Variants in MFSD2A observed in about 807,000 individuals in gnomAD.
MFSD2A encodes the protein sodium-dependent lysophosphatidylcholine symporter 1.
Under a neutral mutation model 64.7 loss-of-function variants are expected in MFSD2A, and 27 were observed. The ratio of observed to expected loss-of-function variants is 0.42; its 90% confidence interval spans 0.31 to 0.58. MFSD2A has a LOEUF of 0.58. Among genes scored for constraint, MFSD2A ranks in the 20% least tolerant of loss-of-function variants. MFSD2A has a pLI of 0.18. For missense variants in MFSD2A, 474 were observed against 679.5 expected (o/e 0.70, Z 3.36); for synonymous variants, 258 against 273.4 (o/e 0.94, Z 0.55).
rs1645222418 is a variant in MFSD2A at position 39,968,859 on chromosome 1, A to G, written c.1529+114A>G. ...CACCCCCCACACATCTTCTCTGGAC[A>G]GCTGTAACACTTAAGTACGCACCAG... On this transcript the variant is annotated intron_variant, in intron 13 of 13. Transcript: ENST00000372811. The surrounding 1 kb of genome is among the most constrained non-coding windows in gnomAD (Gnocchi z 4.4). The G allele has an allele frequency of 1.7e-6, 2 of 1,151,212 alleles. No individual in the cohort carries two copies. The highest frequency in any genetic ancestry group is 4.5e-5 in the Admixed American group (2 of 44,876). The allele number at this position is 1,151,212 out of a possible 1,614,324, so 71.3% of individuals were successfully genotyped here. A position where few individuals can be genotyped will look rare whatever the true frequency, so the allele number is the denominator to read the frequency against.
Position 39,965,646 on chromosome 1 carries a change from G to A in MFSD2A, c.556+97G>A, listed in dbSNP as rs760498301. 7.3e-6 allele frequency: 10 copies of A among 1,365,368 alleles called. No homozygotes were observed. The Admixed American group carries it at 1.4e-4, about 19-fold the overall frequency. The allele number at this position is 1,365,368 out of a possible 1,614,324, so 84.6% of individuals were successfully genotyped here. ...AGCTCTTTGCTCTGCTCTAGAGTGT[G>A]GGTGTGAAACCATCTTAAAAATAAC... On this transcript the variant is annotated intron_variant, in intron 5 of 13. Transcript: ENST00000372811. This position sits in a 1 kb window ranked among gnomAD's most constrained non-coding sequence, Gnocchi z 5.5.
In MFSD2A at chr1:39,964,948, G is replaced by A. The variant is rs74067886; in HGVS notation, c.354-263G>A. The A allele has an allele frequency of 2.9e-3, 1,520 of 521,138 alleles. 26 individuals are homozygous for A. The highest frequency in any genetic ancestry group is 0.027 in the African/African-American group (1,403 of 52,666). The allele number at this position is 521,138 out of a possible 1,614,324, so 32.3% of individuals were successfully genotyped here. On this transcript the variant is annotated intron_variant, in intron 3 of 13. Coordinates refer to ENST00000372811, the MANE Select transcript of MFSD2A (RefSeq NM_032793.5). This position sits in a 1 kb window ranked among gnomAD's most constrained non-coding sequence, Gnocchi z 4.1. The stretch of plus-strand genomic sequence containing the variant: ...AACTCTCAGCCCATTAGAGGCTGCT[G>A]CCTCTGGACTAGACTCAGGCTCTGA...
At position 39,955,951 on chromosome 1, in the gene MFSD2A, C is replaced by T. The variant is rs1644919402; in HGVS notation, c.93+566C>T. ...TCGACCACATCCCCAGCCCTGGGGA[C>T]TTATTGAAGGACCAAATAAAATGAG... On this transcript the variant is annotated intron_variant, in intron 1 of 13. Transcript: ENST00000372811. The surrounding 1 kb of genome is among the most constrained non-coding windows in gnomAD (Gnocchi z 5.9). 2 of 173,308 alleles carry T rather than the reference C, an allele frequency of 1.2e-5. No individual in the cohort carries two copies. The highest frequency in any genetic ancestry group is 1.9e-4 in the South Asian group (2 of 10,604). 10.7% of individuals were successfully genotyped at this position (173,308 alleles called of 1,614,324 possible).
chr1:39,955,292 C>G lies in MFSD2A; in HGVS notation c.-1C>G. 1 of 1,421,838 alleles carries G rather than the reference C, an allele frequency of 7.0e-7. No homozygotes were observed. The highest frequency in any genetic ancestry group is 9.2e-7 in the Non-Finnish European group (1 of 1,085,580). The allele number at this position is 1,421,838 out of a possible 1,614,324, so 88.1% of individuals were successfully genotyped here. A position where few individuals can be genotyped will look rare whatever the true frequency, so the allele number is the denominator to read the frequency against. ...GTCCCAAGCGGCGTGGCCCGCGGGTCATGGCCAAAGGAGAAGGCGCCGAGA... is the reference window on the plus strand; with the variant it reads ...GTCCCAAGCGGCGTGGCCCGCGGGTGATGGCCAAAGGAGAAGGCGCCGAGA... On this transcript the variant is annotated 5_prime_UTR_variant, in exon 1 of 14. Coordinates refer to ENST00000372811, the MANE Select transcript of MFSD2A (RefSeq NM_032793.5). This position sits in a 1 kb window ranked among gnomAD's most constrained non-coding sequence, Gnocchi z 5.9.
chr1:39,960,498 G>A lies in MFSD2A; in HGVS notation c.353+1673G>A, dbSNP rs958282324. On this transcript the variant is annotated intron_variant, in intron 3 of 13. Coordinates refer to ENST00000372811, the MANE Select transcript of MFSD2A (RefSeq NM_032793.5). The surrounding 1 kb of genome is among the most constrained non-coding windows in gnomAD (Gnocchi z 4.8). ...TGTGCAGGCTGCTCAGGGCTCCCCC[G>A]GCGCCAGCCCGTGAGACTTGGCCCT... Among the ~76,000 whole-genome samples the A allele has an allele frequency of 6.0e-5, 9 of 151,232 alleles. No individual in the cohort carries two copies. Among genetic ancestry groups the A allele is most frequent in the Admixed American group, 4.6e-4 (7 of 15,190 alleles).
Position 39,957,216 on chromosome 1 carries a change from G to T in MFSD2A, c.223G>T (p.Ala75Ser). The stretch of plus-strand genomic sequence containing the variant: ...CCTTCAGATCTACCTATTGGATGTG[G>T]CTCAGGTGAGTGGTCTAAGCCTTCG... ...FFLQIYLLDVAQVGPFSASII... is the reference protein window; with the variant it reads ...FFLQIYLLDVSQVGPFSASII... The change falls in exon 2 of 14, where the codon GCT becomes TCT. Residue 75 changes from alanine to serine, a missense_variant. Coordinates refer to ENST00000372811, the MANE Select transcript of MFSD2A (RefSeq NM_032793.5). The T allele has an allele frequency of 6.3e-7, 1 of 1,592,284 alleles. No homozygotes were observed. Among genetic ancestry groups the T allele is most frequent in the Non-Finnish European group, 8.6e-7 (1 of 1,168,534 alleles).
Position 39,958,913 on chromosome 1 carries a change from C to A in MFSD2A, c.353+88C>A. On this transcript the variant is annotated intron_variant, in intron 3 of 13. Coordinates refer to ENST00000372811, the MANE Select transcript of MFSD2A (RefSeq NM_032793.5). This position sits in a 1 kb window ranked among gnomAD's most constrained non-coding sequence, Gnocchi z 4.7. ...GTCCTTCTCTCTGTCTTGTCACAGGCAGAAGGGTGAGGAGAAGGAAGGAGT... is the reference window on the plus strand; with the variant it reads ...GTCCTTCTCTCTGTCTTGTCACAGGAAGAAGGGTGAGGAGAAGGAAGGAGT... The A allele has an allele frequency of 1.4e-6, 2 of 1,441,322 alleles. No individual in the cohort carries two copies. Among genetic ancestry groups the A allele is most frequent in the Non-Finnish European group, 1.9e-6 (2 of 1,068,904 alleles). 89.3% of individuals were successfully genotyped at this position (1,441,322 alleles called of 1,614,324 possible).
Position 39,955,281 on chromosome 1 carries a change from G to A in MFSD2A, c.-12G>A. On this transcript the variant is annotated 5_prime_UTR_variant, in exon 1 of 14. Transcript: ENST00000372811. This position sits in a 1 kb window ranked among gnomAD's most constrained non-coding sequence, Gnocchi z 5.9. ...CCGTCTACCAGGTCCCAAGCGGCGT[G>A]GCCCGCGGGTCATGGCCAAAGGAGA... 3 of 1,409,828 alleles carry A rather than the reference G, an allele frequency of 2.1e-6. No individual in the cohort carries two copies. Among genetic ancestry groups the A allele is most frequent in the Non-Finnish European group, 2.8e-6 (3 of 1,079,986 alleles). The allele number at this position is 1,409,828 out of a possible 1,614,324, so 87.3% of individuals were successfully genotyped here.
Position 39,962,685 on chromosome 1 carries a change from A to T in MFSD2A, c.354-2526A>T, listed in dbSNP as rs74067882. The T allele has an allele frequency of 2.0e-3, 1,589 of 775,838 alleles. 22 individuals carry two copies. The African/African-American group carries it at 0.024, about 12-fold the overall frequency. The allele number at this position is 775,838 out of a possible 1,614,324, so 48.1% of individuals were successfully genotyped here. ...TGGCCGTGGACGGGGCCCGGGCCGAAGCTGCGGAGCTTGCTGAGGCAAGGC... is the reference window on the plus strand; with the variant it reads ...TGGCCGTGGACGGGGCCCGGGCCGATGCTGCGGAGCTTGCTGAGGCAAGGC... On this transcript the variant is annotated intron_variant, in intron 3 of 13. Coordinates refer to ENST00000372811, the MANE Select transcript of MFSD2A (RefSeq NM_032793.5).
intron 3 of MFSD2A, chr1:39,962,652 C>T (rs998477265): frequency 8.4e-5 from 70 of 831,920 alleles, no homozygotes; most frequent in Admixed American, 2.2e-4. Flanking sequence ...CATCCGGGGC[C>T]GGGGTCATGG....
rs1645244389 is a variant in MFSD2A at position 39,969,833 on chromosome 1, T to G, written c.*265T>G. 2.4e-6 allele frequency: 1 copy of G among 409,204 alleles called. No homozygotes were observed. The highest frequency in any genetic ancestry group is 3.7e-5 in the East Asian group (1 of 26,724). The allele number at this position is 409,204 out of a possible 1,614,324, so 25.3% of individuals were successfully genotyped here. On this transcript the variant is annotated 3_prime_UTR_variant, in exon 14 of 14. Transcript: ENST00000372811. ...GATCGGGCCTAGCCCGGAACACTAA[T>G]GTAGAAACCTTTTTTTTTACAGAGC...
Position 39,965,672 on chromosome 1 carries a change from T to A in MFSD2A, c.556+123T>A. 1 of 1,256,790 alleles carries A rather than the reference T, an allele frequency of 8.0e-7. No homozygotes were observed. The highest frequency in any genetic ancestry group is 1.3e-5 in the South Asian group (1 of 76,838). The allele number at this position is 1,256,790 out of a possible 1,614,324, so 77.9% of individuals were successfully genotyped here. ...GGTGTGAAACCATCTTAAAAATAAC[T>A]CAATCCCCTTATTGCTCAGATGAGA... On this transcript the variant is annotated intron_variant, in intron 5 of 13. Transcript: ENST00000372811. The surrounding 1 kb of genome is among the most constrained non-coding windows in gnomAD (Gnocchi z 5.5).
intron 3 of MFSD2A, among the ~76,000 whole-genome samples, chr1:39,961,493 C>T (rs1420034365): frequency 1.2e-4 from 18 of 151,960 alleles, no homozygotes; most frequent in African/African-American, 4.1e-4. Context: ...GGACTACAGG[C>T]GCCCGCCACC....
At chr1:39,966,981 C>T (rs544445881) in intron 8 of MFSD2A, 49 bp downstream of exon 8, 90 of 1,612,622 alleles carry the variant, frequency 5.6e-5, no homozygotes, top group Non-Finnish European at 6.1e-5. Context: ...GTAATGGGAG[C>T]GGGGTGAGCA....
chr1:39,968,305 G>A lies in MFSD2A; in HGVS notation c.1209-29G>A. 1 of 1,614,006 alleles carries A rather than the reference G, an allele frequency of 6.2e-7. No homozygotes were observed. On this transcript the variant is annotated intron_variant, in intron 11 of 13. Coordinates refer to ENST00000372811, the MANE Select transcript of MFSD2A (RefSeq NM_032793.5). This position sits in a 1 kb window ranked among gnomAD's most constrained non-coding sequence, Gnocchi z 4.4. ...ACACAGAGGCCCGTTAGGTGGGTCA[G>A]TCCTCATGGCTGTCACTACTCTGCG... is the stretch of plus-strand genomic sequence containing the variant.
Position 39,955,897 on chromosome 1 carries a change from C to T in MFSD2A, c.93+512C>T, listed in dbSNP as rs1256108776. 1 of 234,322 alleles carries T rather than the reference C, an allele frequency of 4.3e-6. No homozygotes were observed. Among genetic ancestry groups the T allele is most frequent in the Non-Finnish European group, 8.8e-6 (1 of 113,026 alleles). 14.5% of individuals were successfully genotyped at this position (234,322 alleles called of 1,614,324 possible). A position where few individuals can be genotyped will look rare whatever the true frequency, so the allele number is the denominator to read the frequency against. Reference sequence around the variant, plus strand: ...ATTTGTCTGAATGTGGATGTTCGCGCGGGAACGGTGCTTTGCGCATCGAGA... The same window carrying T: ...ATTTGTCTGAATGTGGATGTTCGCGTGGGAACGGTGCTTTGCGCATCGAGA... On this transcript the variant is annotated intron_variant, in intron 1 of 13. Coordinates refer to ENST00000372811, the MANE Select transcript of MFSD2A (RefSeq NM_032793.5). This position sits in a 1 kb window ranked among gnomAD's most constrained non-coding sequence, Gnocchi z 5.9.
chr1:39,966,787 C>T, intron 7 of MFSD2A, 24 bp from the exon 8 acceptor site: 1 of 1,614,054 alleles, frequency 6.2e-7, no homozygotes, highest in Non-Finnish European at 8.5e-7. Flanking sequence ...CTGCTCCTTC[C>T]TCACTGTCCG....
At position 39,963,023 on chromosome 1, in the gene MFSD2A, G is replaced by A. The variant is rs894612062; in HGVS notation, c.354-2188G>A. 398 of 1,469,006 alleles carry A rather than the reference G, an allele frequency of 2.7e-4. 1 individual carries two copies. The highest frequency in any genetic ancestry group is 1.7e-3 in the Middle Eastern group (8 of 4,664). The allele number at this position is 1,469,006 out of a possible 1,614,324, so 91.0% of individuals were successfully genotyped here. On this transcript the variant is annotated intron_variant, in intron 3 of 13. Transcript: ENST00000372811. The surrounding 1 kb of genome is among the most constrained non-coding windows in gnomAD (Gnocchi z 4.2). ...TCCGTGGGGCCATCATCCTGGCCAA[G>A]CTCTCCATTGTCCCCGTGCGCAGAG...
rs909024332 is a variant in MFSD2A at position 39,967,936 on chromosome 1, C to T, written c.1208+20C>T. 9 of 1,497,312 alleles carry T rather than the reference C, an allele frequency of 6.0e-6. No individual in the cohort carries two copies. In the African/African-American group the frequency reaches 9.7e-5, roughly 16 times the overall value. 92.8% of individuals were successfully genotyped at this position (1,497,312 alleles called of 1,614,324 possible). ...ACCCTGGTAGGTATATACAGGCCCC[C>T]CTCCTCGGGTATCTCCAGCCCCTAG... On this transcript the variant is annotated intron_variant, in intron 11 of 13. Coordinates refer to ENST00000372811, the MANE Select transcript of MFSD2A (RefSeq NM_032793.5).
Sources: gnomAD v4.1 joint callset for allele counts (sites outside exome capture counted in the v4.1 genomes callset) on GRCh38, gnomAD v4.1.1 for gene constraint, Gnocchi (gnomAD v3.1) non-coding constraint, MANE v1.5 for transcripts, NCBI Gene and HGNC (gene_info 2026-07-23, HGNC 2026-07-21) for gene names.